The following MAPK8 variants were observed in gnomAD, a reference collection of about 807,000 sequenced individuals.
MAPK8 encodes the protein mitogen-activated protein kinase 8.
In MAPK8, 13 loss-of-function variants were observed where a neutral mutation model predicts 52.9. The observed-to-expected ratio is 0.25, with a 90% confidence interval of 0.16 to 0.39. The LOEUF (loss-of-function observed/expected upper bound fraction) is 0.39. Among genes scored for constraint, MAPK8 ranks in the 10% least tolerant of loss-of-function variants. The pLI, the probability that MAPK8 is intolerant of heterozygous loss-of-function variation, is 1.00. For synonymous variants in MAPK8, 191 were observed against 169.8 expected (o/e 1.12, Z -0.97); for missense variants, 300 against 519.2 (o/e 0.58, Z 4.10).
chr10:48,431,217 A>G lies in MAPK8; in HGVS notation c.1085A>G (p.Asp362Gly). The stretch of plus-strand genomic sequence containing the variant: ...GAATTGATATATAAGGAAGTTATGG[A>G]CTTGGAGGAGAGAACCAAGAATGGA... ...WKELIYKEVM[D>G]LEERTKNGVI... is the part of the protein sequence containing the mutation. The change falls in exon 11 of 12, where the codon GAC (aspartate) becomes GGC (glycine). Residue 362 changes from aspartate (D) to glycine (G), a missense_variant. Around this residue, in one of 3 missense-constraint regions of MAPK8, gnomAD observed 119 missense variants for 154.4 expected, o/e 0.77. Transcript: ENST00000374189. 2 of 1,611,286 alleles carry G rather than the reference A, an allele frequency of 1.2e-6. No individual in the cohort carries two copies. Among genetic ancestry groups the G allele is most frequent in the Non-Finnish European group, 1.7e-6 (2 of 1,177,456 alleles).
chr10:48,325,039 A>C (rs972484622), intron 1 of MAPK8, among the ~76,000 whole-genome samples: 1 of 151,686 alleles, frequency 6.6e-6, no homozygotes, highest in Non-Finnish European at 1.5e-5. Context: ...GCAGTGGCAC[A>C]ATCTCTGGTC....
intron 1 of MAPK8, among the ~76,000 whole-genome samples, chr10:48,382,451 A>G (rs1382463543): frequency 1.3e-5 from 2 of 152,204 alleles, no homozygotes; most frequent in Non-Finnish European, 2.9e-5. Context: ...ACATAAAAAT[A>G]CAAACATAAG....
At chr10:48,381,367 T>C (rs2040993534) in intron 1 of MAPK8, among the ~76,000 whole-genome samples, 1 of 152,200 alleles carries the variant, frequency 6.6e-6, no homozygotes, top group Non-Finnish European at 1.5e-5. Context: ...CACCCTCCTC[T>C]CTTTTTTATA....
At chr10:48,324,880 C>CA (rs1843347155) in intron 1 of MAPK8, among the ~76,000 whole-genome samples, 1 of 152,116 alleles carries the variant, frequency 6.6e-6, no homozygotes, top group Non-Finnish European at 1.5e-5. Context: ...TCCTGTTTTC[C>CA]AGCAGCCTTT....
chr10:48,393,792 A>G (rs2041749715), intron 1 of MAPK8, among the ~76,000 whole-genome samples: 1 of 152,074 alleles, frequency 6.6e-6, no homozygotes, highest in African/African-American at 2.4e-5. Context: ...AAAAGAAAGA[A>G]TAGCTCCAAA....
chr10:48,320,877 T>G (rs1770440708), intron 1 of MAPK8, among the ~76,000 whole-genome samples: 2 of 152,258 alleles, frequency 1.3e-5, no homozygotes, highest in Middle Eastern at 3.4e-3. Flanking sequence ...CACATCCTAT[T>G]CAAGCTTGTT....
intron 1 of MAPK8, among the ~76,000 whole-genome samples, chr10:48,377,165 A>T (rs182733015): frequency 6.6e-6 from 1 of 152,146 alleles, no homozygotes. Flanking sequence ...GAGTTGAACA[A>T]TGGGAACACA....
chr10:48,372,683 A>T (rs1454471877), intron 1 of MAPK8, among the ~76,000 whole-genome samples: 1 of 152,034 alleles, frequency 6.6e-6, no homozygotes, highest in Non-Finnish European at 1.5e-5. Flanking sequence ...GAGAAAAAAA[A>T]AAAGAGTGAA....
intron 1 of MAPK8, among the ~76,000 whole-genome samples, chr10:48,339,933 C>T (rs545539497): frequency 6.6e-5 from 10 of 152,226 alleles, no homozygotes; most frequent in South Asian, 6.2e-4. Context: ...GAAAAGGGAA[C>T]GCTTACACGC....
chr10:48,342,017 GT>G (rs1218222774), intron 1 of MAPK8, among the ~76,000 whole-genome samples: 1 of 152,266 alleles, frequency 6.6e-6, no homozygotes, highest in African/African-American at 2.4e-5. Context: ...AGAGAGCAAT[GT>G]TTTGGAGGGA....
intron 1 of MAPK8, among the ~76,000 whole-genome samples, chr10:48,382,920 G>T (rs1377921669): frequency 2.3e-5 from 1 of 42,620 alleles, no homozygotes; most frequent in Non-Finnish European, 6.5e-5. Context: ...ATATATATAT[G>T]TATATATATA....
At chr10:48,413,821 A>ATATATG (rs2042900948) in intron 5 of MAPK8, among the ~76,000 whole-genome samples, 2 of 78,376 alleles carry the variant, frequency 2.6e-5, no homozygotes, top group Non-Finnish European at 2.5e-5. Flanking sequence ...ATTGTTATAT[A>ATATATG]TATATATATA....
chr10:48,385,588 T>G lies in MAPK8; in HGVS notation c.-49-16024T>G, dbSNP rs1439418188. Among the ~76,000 whole-genome samples the G allele has an allele frequency of 2.0e-5, 3 of 152,182 alleles. No homozygotes were observed. The East Asian group carries it at 5.8e-4, about 29-fold the overall frequency. ...TGTTTTTAGTTTCTGGTCTTTGTTG[T>G]TACTTTGTTGGTAGTAAAAAATGAG... On this transcript the variant is annotated intron_variant, in intron 1 of 11. Coordinates refer to ENST00000374189, the MANE Select transcript of MAPK8 (RefSeq NM_001323329.2).
chr10:48,397,352 C>G (rs1336511167), intron 1 of MAPK8, among the ~76,000 whole-genome samples: 5 of 151,454 alleles, frequency 3.3e-5, no homozygotes, highest in Non-Finnish European at 5.9e-5. Context: ...GATGGGGTCT[C>G]TCTATGTTGC....
At chr10:48,341,229 T>G (rs1316839199) in intron 1 of MAPK8, among the ~76,000 whole-genome samples, 4 of 152,182 alleles carry the variant, frequency 2.6e-5, no homozygotes, top group Non-Finnish European at 4.4e-5. Flanking sequence ...CTTAGGAAAA[T>G]CTAAACAGCT....
At chr10:48,390,206 A>C (rs944859694) in intron 1 of MAPK8, among the ~76,000 whole-genome samples, 2 of 152,192 alleles carry the variant, frequency 1.3e-5, no homozygotes, top group Non-Finnish European at 2.9e-5. Flanking sequence ...CAGGGCTTCT[A>C]CTGATTGAAT....
At position 48,379,959 on chromosome 10, in the gene MAPK8, A is replaced by G. The variant is rs1014795902; in HGVS notation, c.-49-21653A>G. Among the ~76,000 whole-genome samples the G allele has an allele frequency of 7.3e-5, 11 of 150,810 alleles. No homozygotes were observed. The South Asian group carries it at 2.1e-3, about 29-fold the overall frequency. On this transcript the variant is annotated intron_variant, in intron 1 of 11. Coordinates refer to ENST00000374189, the MANE Select transcript of MAPK8 (RefSeq NM_001323329.2). ...CTCTTAAAAAAAAAAAAAAAAAAAA[A>G]CAGACTAGATGCAGTGGCTCACGCC...
chr10:48,362,834 G>A (rs973096079), intron 1 of MAPK8, among the ~76,000 whole-genome samples: 13 of 148,550 alleles, frequency 8.8e-5, no homozygotes, highest in Admixed American at 1.4e-4. Context: ...TCCACCTCCC[G>A]GGTTCAAACA....
intron 1 of MAPK8, among the ~76,000 whole-genome samples, chr10:48,340,693 A>G (rs969064675): frequency 2.0e-5 from 3 of 152,208 alleles, no homozygotes; most frequent in African/African-American, 7.2e-5. Flanking sequence ...TTCATCTTAT[A>G]GTTTCCTGGC....
Sources: allele counts gnomAD v4.1 joint callset (sites outside exome capture counted in the v4.1 genomes callset), GRCh38; gene constraint gnomAD v4.1.1; regional missense constraint gnomAD v4.1.1; transcripts MANE v1.5; gene names NCBI Gene and HGNC (gene_info 2026-07-23, HGNC 2026-07-21).